The following GRIK4 variants were observed in gnomAD, a reference collection of about 807,000 sequenced individuals.
The protein encoded by GRIK4 is glutamate ionotropic receptor kainate type subunit 4.
Under a neutral mutation model 104.9 loss-of-function variants are expected in GRIK4, and 40 were observed. The ratio of observed to expected loss-of-function variants is 0.38; its 90% CI spans 0.30 to 0.50. The LOEUF (loss-of-function observed/expected upper bound fraction) is 0.50, where lower values mean the gene tolerates loss of function less well. GRIK4 is among the 20% of genes least tolerant of loss of function. The pLI, the probability that GRIK4 is intolerant of heterozygous loss-of-function variation, is 0.93. For synonymous variants in GRIK4, 485 were observed against 524.9 expected, an observed-to-expected ratio of 0.92 and a Z score of 1.04; for missense variants, 1,047 against 1,308.1, an observed-to-expected ratio of 0.80 and a Z score of 3.08.
intron 3 of GRIK4, among the ~76,000 whole-genome samples, chr11:120,778,522 G>A (rs761307970): frequency 1.2e-4 from 18 of 152,234 alleles, no homozygotes; most frequent in African/African-American, 3.4e-4. Flanking sequence ...AAAACATAAA[G>A]TTTTAAAATC....
intron 13 of GRIK4, among the ~76,000 whole-genome samples, chr11:120,911,001 C>G (rs112098347): frequency 2.6e-5 from 4 of 152,120 alleles, no homozygotes; most frequent in Non-Finnish European, 5.9e-5. Flanking sequence ...GGGGTAGATT[C>G]CATTTCAGCA....
At chr11:120,604,277 G>GC (rs1290094306) in intron 1 of GRIK4, among the ~76,000 whole-genome samples, 2 of 151,836 alleles carry the variant, frequency 1.3e-5, no homozygotes, top group Non-Finnish European at 2.9e-5. Context: ...GAATGATCTG[G>GC]CCCCAGATGC....
At chr11:120,951,277 A>G (rs1241681058) in intron 14 of GRIK4, among the ~76,000 whole-genome samples, 2 of 152,240 alleles carry the variant, frequency 1.3e-5, no homozygotes, top group Admixed American at 6.5e-5. Flanking sequence ...GGGCTATGCA[A>G]ATACAACAGG....
In GRIK4 at chr11:120,638,495, T is replaced by C. The variant is rs1949427688; in HGVS notation, c.-158-15190T>C. Among the ~76,000 whole-genome samples, 8 of 151,896 alleles carry C rather than the reference T, an allele frequency of 5.3e-5. 1 individual carries two copies. Among genetic ancestry groups the C allele is most frequent in the Admixed American group, 5.2e-4 (8 of 15,264 alleles). ...TCTTCTTCTTTTGCTTTTTTTTTTTTTCTGAGACGGAGTCTCGTGTCACCC... is the reference window on the plus strand; with the variant it reads ...TCTTCTTCTTTTGCTTTTTTTTTTTCTCTGAGACGGAGTCTCGTGTCACCC... On this transcript the variant is annotated intron_variant, in intron 1 of 20. Coordinates refer to ENST00000527524, the MANE Select transcript of GRIK4 (RefSeq NM_014619.5).
intron 13 of GRIK4, among the ~76,000 whole-genome samples, chr11:120,931,303 G>A (rs1016796809): frequency 6.6e-6 from 1 of 152,160 alleles, no homozygotes; most frequent in South Asian, 2.1e-4. Flanking sequence ...GGCAGGCTAG[G>A]AGGTTTGGCA....
chr11:120,963,346 A>G (rs1313475373), intron 18 of GRIK4, among the ~76,000 whole-genome samples: 1 of 152,210 alleles, frequency 6.6e-6, no homozygotes, highest in Admixed American at 6.5e-5. Flanking sequence ...TGTGCTTTTT[A>G]AAAGGACATT....
intron 2 of GRIK4, among the ~76,000 whole-genome samples, chr11:120,657,445 C>T (rs1277114090): frequency 6.6e-6 from 1 of 152,186 alleles, no homozygotes; most frequent in Non-Finnish European, 1.5e-5. Flanking sequence ...CTTTATCTTC[C>T]TCTGTCTTCC....
intron 1 of GRIK4, among the ~76,000 whole-genome samples, chr11:120,516,070 A>G (rs1393481679): frequency 6.6e-6 from 1 of 152,074 alleles, no homozygotes; most frequent in Non-Finnish European, 1.5e-5. Context: ...ACCAAGAGGG[A>G]GACACTTTTT....
chr11:120,639,418 C>G (rs187737847), intron 1 of GRIK4, among the ~76,000 whole-genome samples: 357 of 152,290 alleles, frequency 2.3e-3, no homozygotes, highest in African/African-American at 8.4e-3. Context: ...ACACACAGCA[C>G]AGGTGCTCTT....
At chr11:120,897,727 G>A (rs1942626372) in intron 11 of GRIK4, among the ~76,000 whole-genome samples, 1 of 151,504 alleles carries the variant, frequency 6.6e-6, no homozygotes, top group African/African-American at 2.4e-5. Context: ...AACGTGGAAG[G>A]AAAGCAGCAT....
intron 8 of GRIK4, among the ~76,000 whole-genome samples, chr11:120,844,762 G>A (rs74702343): frequency 0.014 from 2,181 of 152,300 alleles, 20 homozygotes; most frequent in Non-Finnish European, 0.023. Flanking sequence ...CAGATTTGAA[G>A]TCAACGTTGT....
chr11:120,868,392 A>G (rs1053953269), intron 9 of GRIK4: 1 of 152,168 alleles, frequency 6.6e-6, no homozygotes, highest in African/African-American at 2.4e-5. Flanking sequence ...CATTTGGGGT[A>G]TTTAATATTT....
rs201202262 is a variant in GRIK4, at chr11:120,699,530, GGTGTGTGTATGTGTGT to G, written c.82+39139_82+39154del. Among the ~76,000 whole-genome samples, 591 of 135,060 alleles carry G rather than the reference GGTGTGTGTATGTGTGT, an allele frequency of 4.4e-3. 1 individual carries two copies. Among genetic ancestry groups the G allele is most frequent in the East Asian group, 0.031 (147 of 4,736 alleles). The allele number at this position is 135,060 out of a possible 152,430, so 88.6% of individuals were successfully genotyped here. Reference sequence around the variant, plus strand: ...CATGAGGAATATAAACAGTAAGTCAGGTGTGTGTATGTGTGTGTGTGTGTGTGTGTGTGTGTGTGTG... The same window carrying G: ...CATGAGGAATATAAACAGTAAGTCAGGTGTGTGTGTGTGTGTGTGTGTGTG... On this transcript the variant is annotated intron_variant, in intron 3 of 20. Transcript: ENST00000527524.
chr11:120,817,683 C>T (rs577044406), intron 5 of GRIK4, among the ~76,000 whole-genome samples: 5 of 152,292 alleles, frequency 3.3e-5, no homozygotes, highest in South Asian at 2.1e-4. Context: ...GAGTATAGAT[C>T]GATCTTTGTC....
chr11:120,985,857 C>T lies in GRIK4; in HGVS notation c.2515-47C>T, dbSNP rs531575983. 1.2e-5 allele frequency: 19 copies of T among 1,538,786 alleles called. No individual in the cohort carries two copies. The South Asian group carries it at 1.9e-4, about 16-fold the overall frequency. ...TCCCAGCGGACTCGCAGGGGGCCCA[C>T]GGGGGCTGGTTGAGAGGCTGGGCCC... On this transcript the variant is annotated intron_variant, in intron 20 of 20. Coordinates refer to ENST00000527524, the MANE Select transcript of GRIK4 (RefSeq NM_014619.5).
chr11:120,795,161 C>T (rs1952485764), intron 3 of GRIK4, among the ~76,000 whole-genome samples: 1 of 152,224 alleles, frequency 6.6e-6, no homozygotes, highest in Admixed American at 6.5e-5. Flanking sequence ...CCAGTAAAAC[C>T]TCTTTATTTT....
At chr11:120,747,022 C>T (rs1951451692) in intron 3 of GRIK4, among the ~76,000 whole-genome samples, 1 of 152,146 alleles carries the variant, frequency 6.6e-6, no homozygotes, top group South Asian at 2.1e-4. Context: ...ATGAGATCAT[C>T]CCTGGCTTTT....
intron 7 of GRIK4, among the ~76,000 whole-genome samples, chr11:120,834,263 G>GGTATGTGT (rs377188856): frequency 6.8e-6 from 1 of 145,992 alleles, no homozygotes; most frequent in Non-Finnish European, 1.5e-5. Context: ...ACACTTTATA[G>GGTATGTGT]GTGTGTGTGT....
chr11:120,619,319 T>G (rs535184588), intron 1 of GRIK4, among the ~76,000 whole-genome samples: 147 of 152,314 alleles, frequency 9.7e-4, no homozygotes, highest in Admixed American at 2.3e-3. Flanking sequence ...ATACCCCCAT[T>G]GCATCTTGGA....
Sources: allele counts gnomAD v4.1 joint callset (sites outside exome capture counted in the v4.1 genomes callset), GRCh38; gene constraint gnomAD v4.1.1; transcripts MANE v1.5; gene names NCBI Gene and HGNC (gene_info 2026-07-23, HGNC 2026-07-21).